Variants in DICER1 observed in about 807,000 individuals in gnomAD.
DICER1 encodes the protein endoribonuclease Dicer.
A neutral mutation model predicts 194.1 loss-of-function variants in DICER1; 43 were observed. That is an observed-to-expected ratio of 0.22 (90% CI 0.17 to 0.29). The LOEUF is 0.29. Ranked by LOEUF, DICER1 falls within the 10% of genes least tolerant of loss-of-function variation. DICER1 has a pLI of 1.00. For synonymous variants in DICER1, 832 were observed against 820.5 expected, an observed-to-expected ratio of 1.01 and a Z score of -0.24; for missense variants, 1,608 against 2,317.0, an observed-to-expected ratio of 0.69 and a Z score of 6.28.
intron 23 of DICER1, 158 bp downstream of exon 23, chr14:95,095,667 G>A (rs1890238047): frequency 1.2e-6 from 1 of 857,608 alleles, no homozygotes. Flanking sequence ...AAATAACAAG[G>A]AAAAGAATTC....
rs1060503648 is a variant in DICER1 at position 95,096,643 on chromosome 14, C to A, written c.4277G>T (p.Ser1426Ile). Residue 1426 changes from serine (S) to isoleucine (I), a missense_variant, in exon 23 of 27, where the codon AGC becomes ATC. This residue lies in a region of DICER1 where 164 missense variants were observed against 183.7 expected (regional missense o/e 0.89). Transcript: ENST00000343455. ...TTCCTTCGGAGCCCTCCACATCAGG[C>A]TCTCCTCCTCCTCATCCTCCTCCTC... ...DYEEEDEEEE[S>I]LMWRAPKEEA... The A allele has an allele frequency of 6.2e-7, 1 of 1,612,366 alleles. No homozygotes were observed.
At chr14:95,150,485 T>C (rs1348684228) in intron 1 of DICER1, among the ~76,000 whole-genome samples, 1 of 152,126 alleles carries the variant, frequency 6.6e-6, no homozygotes, top group Admixed American at 6.5e-5. Context: ...GACTCAGCAT[T>C]AACAACAACA....
chr14:95,130,205 C>A lies in DICER1; in HGVS notation c.439-13G>T. On this transcript the variant is annotated splice_polypyrimidine_tract_variant and intron_variant, in intron 4 of 26. Coordinates refer to ENST00000343455, the MANE Select transcript of DICER1 (RefSeq NM_177438.3). ...TCATAATGAGAACCTAAAATAAAATCAACATCAGTAAACAAACATAGCATT... is the reference window on the plus strand; with the variant it reads ...TCATAATGAGAACCTAAAATAAAATAAACATCAGTAAACAAACATAGCATT... 6.2e-7 allele frequency: 1 copy of A among 1,610,332 alleles called. No individual in the cohort carries two copies.
intron 12 of DICER1, 87 bp downstream of exon 12, chr14:95,113,003 ACC>A: frequency 7.3e-7 from 1 of 1,363,996 alleles, no homozygotes; most frequent in Non-Finnish European, 1.0e-6. Context: ...AATCAAATTT[ACC>A]TATAACTTGC....
chr14:95,097,235 A>T (rs936786604), intron 22 of DICER1, among the ~76,000 whole-genome samples: 55 of 152,236 alleles, frequency 3.6e-4, no homozygotes, highest in African/African-American at 1.3e-3. Context: ...ATCATTTTTT[A>T]AAATGTACAA....
Position 95,105,371 on chromosome 14 carries a change from T to C in DICER1, c.3094-125A>G, listed in dbSNP as rs1307499300. ...GCTAGTAAAACTTAATTTTAAAAAA[T>C]ATTTGTAAAAATAATCCTCTAAGGC... On this transcript the variant is annotated intron_variant, in intron 19 of 26. Transcript: ENST00000343455. The surrounding 1 kb of genome is among the most constrained non-coding windows in gnomAD (Gnocchi z 4.9). The C allele has an allele frequency of 1.1e-6, 1 of 944,868 alleles. No individual in the cohort carries two copies. The highest frequency in any genetic ancestry group is 2.6e-5 in the East Asian group (1 of 38,366). The allele number at this position is 944,868 out of a possible 1,614,324, so 58.5% of individuals were successfully genotyped here.
intron 7 of DICER1, among the ~76,000 whole-genome samples, chr14:95,126,140 T>C (rs1167494490): frequency 1.3e-5 from 2 of 152,216 alleles, no homozygotes; most frequent in African/African-American, 2.4e-5. Context: ...CTGATGATGA[T>C]GTGGGGCCCA....
intron 9 of DICER1, 69 bp downstream of exon 9, chr14:95,117,553 A>AC (rs1892583706): frequency 1.5e-5 from 22 of 1,511,374 alleles, no homozygotes; most frequent in Non-Finnish European, 2.0e-5. Flanking sequence ...AAAAAGGGAG[A>AC]CCCTATGGGC....
In DICER1 at chr14:95,132,683, A is replaced by G. The variant is rs1894057532; in HGVS notation, c.145-6T>C. ...GCTGCTTCAAGCAGTTCAACCTAGAAACATGGTGAAAAAAAAGTTATGCAC... is the reference window on the plus strand; with the variant it reads ...GCTGCTTCAAGCAGTTCAACCTAGAGACATGGTGAAAAAAAAGTTATGCAC... On this transcript the variant is annotated splice_polypyrimidine_tract_variant and splice_region_variant and intron_variant, in intron 2 of 26. Coordinates refer to ENST00000343455, the MANE Select transcript of DICER1 (RefSeq NM_177438.3). 6.2e-7 allele frequency: 1 copy of G among 1,613,542 alleles called. No individual in the cohort carries two copies. The highest frequency in any genetic ancestry group is 1.7e-5 in the Admixed American group (1 of 59,982).
chr14:95,099,579 A>C lies in DICER1; in HGVS notation c.4206+201T>G, dbSNP rs188361680. Among the ~76,000 whole-genome samples the C allele has an allele frequency of 2.2e-4, 34 of 152,322 alleles. No individual in the cohort carries two copies. In the South Asian group the frequency reaches 4.6e-3, roughly 20 times the overall value. ...GAAATTTGCCTCCATCAAAATTATA[A>C]TACTATTTCTGAATTCAGTGAAAAG... On this transcript the variant is annotated intron_variant, in intron 22 of 26. Coordinates refer to ENST00000343455, the MANE Select transcript of DICER1 (RefSeq NM_177438.3).
At chr14:95,097,922 CCTG>C (rs1196281095) in intron 22 of DICER1, among the ~76,000 whole-genome samples, 1 of 152,092 alleles carries the variant, frequency 6.6e-6, no homozygotes, top group African/African-American at 2.4e-5. Context: ...AGGAACATTT[CCTG>C]CTAACAATCT....
intron 1 of DICER1, among the ~76,000 whole-genome samples, chr14:95,136,124 C>CACACACACAG (rs3223546): frequency 1.4e-5 from 2 of 147,920 alleles, no homozygotes; most frequent in African/African-American, 4.9e-5. Context: ...CACACACACA[C>CACACACACAG]AGCTGATAAA....
rs780084290 is a variant in DICER1 at position 95,090,615 on chromosome 14, T to C, written c.5652A>G (p.Val1884=). 5.0e-6 allele frequency: 8 copies of C among 1,614,222 alleles called. No homozygotes were observed. In the Admixed American group the frequency reaches 1.0e-4, roughly 20 times the overall value. The change falls in exon 27 of 27, where the codon GTA becomes GTG. Residue 1884 remains valine (V), a synonymous_variant. Coordinates refer to ENST00000343455, the MANE Select transcript of DICER1 (RefSeq NM_177438.3). ...YDGKVRVTVE[V]VGKGKFKGVG... ...CACCTTTAAATTTCCCCTTTCCTACTACTTCCACAGTGACTCTGACCTTCC... is the reference window on the plus strand; with the variant it reads ...CACCTTTAAATTTCCCCTTTCCTACCACTTCCACAGTGACTCTGACCTTCC...
rs374483180 is a variant in DICER1 at position 95,107,196 on chromosome 14, A to G, written c.2804+412T>C. 8.6e-5 allele frequency among the ~76,000 whole-genome samples: 13 copies of G among 151,960 alleles called. No homozygotes were observed. The East Asian group carries it at 1.7e-3, about 20-fold the overall frequency. On this transcript the variant is annotated intron_variant, in intron 17 of 26. Transcript: ENST00000343455. ...TGCCTGACTGACTAATATATTTCCTATTAGTAATTACAATGCTAAAATCAC... is the reference window on the plus strand; with the variant it reads ...TGCCTGACTGACTAATATATTTCCTGTTAGTAATTACAATGCTAAAATCAC...
chr14:95,134,940 C>G (rs1894244931), intron 1 of DICER1, among the ~76,000 whole-genome samples: 1 of 152,194 alleles, frequency 6.6e-6, no homozygotes, highest in Admixed American at 6.5e-5. Flanking sequence ...ATCAAAGCCC[C>G]AACAGCCATT....
At chr14:95,130,284 G>A (rs1286093672) in intron 4 of DICER1, 92 bp from the exon 5 acceptor site, 8 of 1,278,520 alleles carry the variant, frequency 6.3e-6, no homozygotes, top group Non-Finnish European at 8.9e-6. Flanking sequence ...TGTATCATAA[G>A]TGAGGATTAA....
chr14:95,125,413 C>T (rs1893323427), intron 7 of DICER1, among the ~76,000 whole-genome samples: 2 of 150,318 alleles, frequency 1.3e-5, no homozygotes, highest in Admixed American at 6.6e-5. Flanking sequence ...GACTCTGATC[C>T]TGGACCCTCC....
At position 95,124,152 on chromosome 14, in the gene DICER1, C is replaced by T. The variant is rs377268291; in HGVS notation, c.1376+44G>A. On this transcript the variant is annotated intron_variant, in intron 8 of 26. Coordinates refer to ENST00000343455, the MANE Select transcript of DICER1 (RefSeq NM_177438.3). The surrounding 1 kb of genome is among the most constrained non-coding windows in gnomAD (Gnocchi z 4.5). ...CAGCGCATCACATCACAACACAGGA[C>T]GCCTCCCTGTTCTCATGTGAAAGGA... The T allele has an allele frequency of 1.2e-5, 17 of 1,400,604 alleles. No individual in the cohort carries two copies. The highest frequency in any genetic ancestry group is 6.7e-5 in the Admixed American group (4 of 59,390). 86.8% of individuals were successfully genotyped at this position (1,400,604 alleles called of 1,614,324 possible).
At chr14:95,133,029 C>T (rs1894088375) in intron 2 of DICER1, among the ~76,000 whole-genome samples, 1 of 152,262 alleles carries the variant, frequency 6.6e-6, no homozygotes, top group African/African-American at 2.4e-5. Context: ...AATCTAGGTT[C>T]CTACCCAGCT....
Sources: allele counts gnomAD v4.1 joint callset (sites outside exome capture counted in the v4.1 genomes callset), GRCh38; gene constraint gnomAD v4.1.1; regional missense constraint gnomAD v4.1.1; non-coding constraint Gnocchi (gnomAD v3.1); transcripts MANE v1.5; gene names NCBI Gene and HGNC (gene_info 2026-07-23, HGNC 2026-07-21).